Variants in TYW1 observed in about 807,000 individuals in gnomAD.
The protein encoded by TYW1 is S-adenosyl-L-methionine-dependent tRNA 4-demethylwyosine synthase TYW1.
Under a neutral mutation model 96.2 loss-of-function variants are expected in TYW1, and 46 were observed. The ratio of observed to expected loss-of-function variants is 0.48; its 90% CI spans 0.38 to 0.61. The LOEUF (loss-of-function observed/expected upper bound fraction) is 0.61, where lower values mean the gene tolerates loss of function less well. Ranked by LOEUF, TYW1 falls within the 20% of genes least tolerant of loss-of-function variation. The probability of loss-of-function intolerance (pLI) is 0.00; values close to 1 mark genes in which losing one functional copy is unlikely to be tolerated. For missense variants in TYW1, 684 were observed against 909.6 expected, an observed-to-expected ratio of 0.75 and a Z score of 3.19; for synonymous variants, 274 against 323.0, an observed-to-expected ratio of 0.85 and a Z score of 1.63.
intron 12 of TYW1, among the ~76,000 whole-genome samples, chr7:67,117,231 G>A (rs925486058): frequency 2.0e-5 from 3 of 152,098 alleles, no homozygotes; most frequent in African/African-American, 7.2e-5. Flanking sequence ...ATTTGAAGAA[G>A]GACCAATTTT....
intron 10 of TYW1, among the ~76,000 whole-genome samples, chr7:67,076,991 T>C (rs1040843391): frequency 6.7e-6 from 1 of 149,882 alleles, no homozygotes. Flanking sequence ...CCAGGCTGGC[T>C]TCAAACTCCT....
chr7:67,013,419 A>G (rs540420361), intron 4 of TYW1, among the ~76,000 whole-genome samples: 4 of 152,162 alleles, frequency 2.6e-5, no homozygotes, highest in African/African-American at 9.6e-5. Context: ...CACTGGGCCC[A>G]GCCAACATCC....
intron 4 of TYW1, among the ~76,000 whole-genome samples, chr7:67,011,841 C>G (rs1793809331): frequency 6.7e-6 from 1 of 149,260 alleles, no homozygotes; most frequent in Non-Finnish European, 1.5e-5. Flanking sequence ...CCATTGCCCT[C>G]TAGCCTGGGC....
intron 12 of TYW1, among the ~76,000 whole-genome samples, chr7:67,104,909 A>C (rs1426434298): frequency 6.6e-6 from 1 of 152,170 alleles, no homozygotes; most frequent in Non-Finnish European, 1.5e-5. Context: ...ACTAACAATA[A>C]TTTATTTAGC....
intron 13 of TYW1, among the ~76,000 whole-genome samples, chr7:67,163,551 A>C (rs1186459071): frequency 2.0e-5 from 3 of 152,186 alleles, no homozygotes; most frequent in Admixed American, 1.3e-4. Context: ...ATGACTCTTC[A>C]GGCTCTGGCC....
intron 13 of TYW1, among the ~76,000 whole-genome samples, chr7:67,159,738 A>G (rs1418950398): frequency 6.6e-6 from 1 of 152,004 alleles, no homozygotes; most frequent in Admixed American, 6.6e-5. Context: ...GTAATAGTTA[A>G]TTTTTTTCAT....
intron 12 of TYW1, among the ~76,000 whole-genome samples, 164 bp from the exon 13 acceptor site, chr7:67,117,319 C>G (rs906909929): frequency 6.6e-6 from 1 of 152,170 alleles, no homozygotes; most frequent in African/African-American, 2.4e-5. Context: ...CCCATTTTGT[C>G]ACATGATTAA....
At chr7:67,219,388 A>G (rs543637154) in intron 15 of TYW1, among the ~76,000 whole-genome samples, 5,754 of 152,168 alleles carry the variant, frequency 0.038, 321 homozygotes, top group African/African-American at 0.13. Flanking sequence ...TATCAGGATA[A>G]TGCTGACCTC....
intron 8 of TYW1, among the ~76,000 whole-genome samples, chr7:67,053,433 G>A (rs865876606): frequency 2.0e-5 from 3 of 148,158 alleles, no homozygotes; most frequent in Admixed American, 6.8e-5. Flanking sequence ...AGTCTGGGGT[G>A]CAGTGGTGTG....
chr7:67,059,096 G>GTTTT (rs557933957), intron 9 of TYW1, among the ~76,000 whole-genome samples: 1 of 124,632 alleles, frequency 8.0e-6, no homozygotes, highest in African/African-American at 3.0e-5. Flanking sequence ...TGAAGACAAA[G>GTTTT]TTTTTTTTTT....
chr7:67,029,081 C>T (rs548186292), intron 7 of TYW1, among the ~76,000 whole-genome samples: 1 of 151,764 alleles, frequency 6.6e-6, no homozygotes, highest in African/African-American at 2.4e-5. Flanking sequence ...TCACTGCAAG[C>T]TCTGCCTCCT....
intron 15 of TYW1, among the ~76,000 whole-genome samples, chr7:67,230,652 C>CTTTTTTTTTTTTTTTTT (rs34585182): frequency 2.5e-5 from 3 of 119,560 alleles, no homozygotes; most frequent in Admixed American, 9.1e-5. Flanking sequence ...CTTATTATCT[C>CTTTTTTTTTTTTTTTTT]TTTTTTTTTT....
chr7:67,215,252 G>C (rs541994833), intron 15 of TYW1, among the ~76,000 whole-genome samples: 1 of 151,406 alleles, frequency 6.6e-6, no homozygotes, highest in East Asian at 1.9e-4. Flanking sequence ...CAAATCACCT[G>C]CTGTAGACCC....
intron 7 of TYW1, among the ~76,000 whole-genome samples, chr7:67,042,774 A>T (rs1795073408): frequency 6.6e-6 from 1 of 152,042 alleles, no homozygotes; most frequent in African/African-American, 2.4e-5. Flanking sequence ...AGGCTGGTGG[A>T]TCACCTGAGG....
chr7:67,051,757 G>A (rs933533972), intron 8 of TYW1, among the ~76,000 whole-genome samples: 10 of 143,022 alleles, frequency 7.0e-5, no homozygotes, highest in African/African-American at 1.5e-4. Flanking sequence ...TCTAATTTAA[G>A]CTTACCTGTG....
intron 15 of TYW1, among the ~76,000 whole-genome samples, chr7:67,196,031 G>A (rs951963039): frequency 2.6e-5 from 4 of 151,722 alleles, no homozygotes; most frequent in African/African-American, 4.8e-5. Flanking sequence ...TATGTTAGAC[G>A]TCATTACATA....
chr7:67,118,288 C>G (rs561621032), intron 13 of TYW1, among the ~76,000 whole-genome samples: 1 of 152,200 alleles, frequency 6.6e-6, no homozygotes, highest in East Asian at 1.9e-4. Flanking sequence ...GATCATGCCA[C>G]TGCACTGCAG....
chr7:67,184,198 C>T (rs998431598), intron 14 of TYW1, among the ~76,000 whole-genome samples: 3 of 152,172 alleles, frequency 2.0e-5, no homozygotes, highest in African/African-American at 7.2e-5. Flanking sequence ...TTAATTTCCT[C>T]TTCTATGTGT....
At chr7:67,177,198 A>C (rs1463075490) in intron 13 of TYW1, among the ~76,000 whole-genome samples, 1 of 151,916 alleles carries the variant, frequency 6.6e-6, no homozygotes, top group Admixed American at 6.6e-5. Flanking sequence ...TCTCAACACC[A>C]CACGCAAAAG....
Sources: allele counts gnomAD v4.1 joint callset (sites outside exome capture counted in the v4.1 genomes callset), GRCh38; gene constraint gnomAD v4.1.1; transcripts MANE v1.5; gene names NCBI Gene and HGNC (gene_info 2026-07-23, HGNC 2026-07-21).